VCL: variants seen among roughly 807,000 people sequenced by gnomAD.
The protein encoded by VCL is epididymis luminal protein 114.
Under a neutral mutation model 125.7 loss-of-function variants are expected in VCL, and 47 were observed. The ratio of observed to expected loss-of-function variants is 0.37; its 90% CI spans 0.30 to 0.48. The LOEUF (loss-of-function observed/expected upper bound fraction) is 0.48. Ranked by LOEUF, VCL falls within the 20% of genes least tolerant of loss-of-function variation. The probability of loss-of-function intolerance (pLI) is 0.99; values close to 1 mark genes in which losing one functional copy is unlikely to be tolerated. For missense variants in VCL, 1,069 were observed against 1,455.5 expected (o/e 0.73, Z 4.32); for synonymous variants, 458 against 514.6 (o/e 0.89, Z 1.49).
At chr10:74,029,405 G>T (rs1457779956) in intron 1 of VCL, among the ~76,000 whole-genome samples, 2 of 152,162 alleles carry the variant, frequency 1.3e-5, no homozygotes, top group African/African-American at 2.4e-5. Context: ...GAGCCACTGC[G>T]CCTGGCCAGA....
At chr10:74,002,163 T>C (rs1440696103) in intron 1 of VCL, among the ~76,000 whole-genome samples, 1 of 152,186 alleles carries the variant, frequency 6.6e-6, no homozygotes, top group Non-Finnish European at 1.5e-5. Context: ...TACGCTCTTA[T>C]TGCCCAGGTT....
intron 18 of VCL, among the ~76,000 whole-genome samples, chr10:74,109,691 G>A (rs1840190448): frequency 6.6e-6 from 1 of 151,420 alleles, no homozygotes; most frequent in Admixed American, 6.6e-5. Flanking sequence ...CTCTTACTCA[G>A]CAAATCTGAA....
At chr10:74,091,320 TG>T (rs1839880414) in intron 10 of VCL, among the ~76,000 whole-genome samples, 1 of 152,200 alleles carries the variant, frequency 6.6e-6, no homozygotes, top group South Asian at 2.1e-4. Flanking sequence ...CCTTCATGTG[TG>T]GTCATTCATG....
intron 6 of VCL, among the ~76,000 whole-genome samples, chr10:74,080,849 T>A (rs2136279149): frequency 6.6e-6 from 1 of 152,334 alleles, no homozygotes; most frequent in Admixed American, 6.5e-5. Context: ...TCAAGTCTTT[T>A]AAAAAGTTAT....
chr10:74,033,735 G>A (rs548828077), intron 1 of VCL, among the ~76,000 whole-genome samples: 1 of 152,252 alleles, frequency 6.6e-6, no homozygotes, highest in Admixed American at 6.5e-5. Flanking sequence ...GTGAACTGAG[G>A]AACCATCTTT....
rs578132218 is a variant in VCL, at chr10:74,118,012, T to C, written c.3259-11T>C. On this transcript the variant is annotated splice_polypyrimidine_tract_variant and intron_variant, in intron 21 of 21. Coordinates refer to ENST00000211998, the MANE Select transcript of VCL (RefSeq NM_014000.3). The stretch of plus-strand genomic sequence containing the variant: ...GACCCTGGGTAACGGAAAGTACCTT[T>C]TTCCTTGCAGGCCACAGAGATGCTG... 3.7e-6 allele frequency: 6 copies of C among 1,613,970 alleles called. No homozygotes were observed. Among genetic ancestry groups the C allele is most frequent in the African/African-American group, 2.7e-5 (2 of 75,036 alleles).
intron 2 of VCL, among the ~76,000 whole-genome samples, chr10:74,059,999 C>G (rs1231801225): frequency 2.6e-5 from 4 of 151,890 alleles, no homozygotes; most frequent in Non-Finnish European, 5.9e-5. Context: ...CTTGTCTGTA[C>G]AAAACATAAA....
intron 14 of VCL, among the ~76,000 whole-genome samples, chr10:74,101,616 C>T (rs1466129837): frequency 3.1e-5 from 4 of 128,154 alleles, no homozygotes; most frequent in Non-Finnish European, 6.1e-5. Flanking sequence ...ACTGCAGTGG[C>T]GCAATCTCGG....
chr10:74,089,396 T>C (rs1301200144), intron 9 of VCL, 47 bp downstream of exon 9: 21 of 1,608,706 alleles, frequency 1.3e-5, no homozygotes, highest in Admixed American at 8.3e-5. Context: ...TTCATAAATA[T>C]CCTAAGTCAT....
chr10:74,092,046 C>G (rs909460513), intron 10 of VCL, among the ~76,000 whole-genome samples: 2 of 151,720 alleles, frequency 1.3e-5, no homozygotes, highest in African/African-American at 4.8e-5. Flanking sequence ...GTAGCTGGGA[C>G]TACAGGCGCA....
At chr10:74,111,012 GA>G (rs1442006714) in intron 18 of VCL, among the ~76,000 whole-genome samples, 1 of 152,140 alleles carries the variant, frequency 6.6e-6, no homozygotes, top group Admixed American at 6.5e-5. Context: ...TTCTATCTGT[GA>G]ACTAGATAAG....
At chr10:74,078,548 A>G (rs1467987772) in intron 6 of VCL, among the ~76,000 whole-genome samples, 2 of 152,206 alleles carry the variant, frequency 1.3e-5, no homozygotes, top group African/African-American at 4.8e-5. Context: ...ATGATATTTT[A>G]TCTCCCTGCT....
At chr10:74,102,325 A>G (rs954212227) in intron 14 of VCL, among the ~76,000 whole-genome samples, 2 of 151,854 alleles carry the variant, frequency 1.3e-5, no homozygotes, top group Non-Finnish European at 1.5e-5. Flanking sequence ...TTTGGGAGCA[A>G]AGGAAGATTG....
intron 13 of VCL, among the ~76,000 whole-genome samples, chr10:74,098,601 C>G (rs1290340956): frequency 1.3e-5 from 2 of 152,204 alleles, no homozygotes; most frequent in Non-Finnish European, 2.9e-5. Flanking sequence ...GCCACCCTAG[C>G]TGCAAAGGAG....
intron 1 of VCL, among the ~76,000 whole-genome samples, chr10:74,013,714 A>C (rs912406417): frequency 6.6e-6 from 1 of 152,202 alleles, no homozygotes; most frequent in African/African-American, 2.4e-5. Context: ...TATGTAAAAC[A>C]AAGGTAAAGA....
intron 1 of VCL, 107 bp from the exon 2 acceptor site, chr10:74,042,976 C>T: frequency 8.5e-7 from 1 of 1,176,818 alleles, no homozygotes; most frequent in Non-Finnish European, 1.2e-6. Context: ...AATCTAGAAA[C>T]TTTAATGATA....
At chr10:74,040,938 C>T (rs1467508382) in intron 1 of VCL, among the ~76,000 whole-genome samples, 3 of 152,192 alleles carry the variant, frequency 2.0e-5, no homozygotes, top group African/African-American at 7.2e-5. Context: ...CTCACCACAG[C>T]CTTGACCTCC....
At chr10:74,090,541 C>T (rs1414046551) in intron 10 of VCL, among the ~76,000 whole-genome samples, 1 of 152,168 alleles carries the variant, frequency 6.6e-6, no homozygotes, top group Non-Finnish European at 1.5e-5. Flanking sequence ...GTTTCCCATA[C>T]ATAAGAGGAA....
At chr10:74,063,415 A>T (rs2136267130) in intron 2 of VCL, among the ~76,000 whole-genome samples, 1 of 152,260 alleles carries the variant, frequency 6.6e-6, no homozygotes, top group Non-Finnish European at 1.5e-5. Context: ...TCTTTCTGGA[A>T]ACTCTAGAAA....
Sources: allele counts gnomAD v4.1 joint callset (sites outside exome capture counted in the v4.1 genomes callset), GRCh38; gene constraint gnomAD v4.1.1; transcripts MANE v1.5; gene names NCBI Gene and HGNC (gene_info 2026-07-23, HGNC 2026-07-21).